Variants in TUSC3 observed in about 807,000 individuals in gnomAD.
TUSC3 encodes tumor suppressor candidate 3, also known as dolichyl-diphosphooligosaccharide--protein glycosyltransferase subunit TUSC3.
TUSC3 carries 45 observed loss-of-function variants against 44.8 expected under a neutral mutation model. The observed-to-expected ratio is 1.00, with a 90% CI of 0.79 to 1.29. The LOEUF (loss-of-function observed/expected upper bound fraction) is 1.29. TUSC3 is among the 50% of genes most tolerant of loss of function. The pLI is 0.00. For synonymous variants in TUSC3, 212 were observed against 152.9 expected (o/e 1.39, Z -2.85); for missense variants, 519 against 437.9 (o/e 1.19, Z -1.65).
intron 1 of TUSC3, among the ~76,000 whole-genome samples, 179 bp downstream of exon 1, chr8:15,540,747 A>C (rs528643549): frequency 3.3e-5 from 5 of 152,170 alleles, no homozygotes; most frequent in African/African-American, 1.2e-4. Context: ...TGGAGTTAGC[A>C]GGGTTCTGAC....
chr8:15,621,860 C>G (rs370915125), intron 1 of TUSC3, among the ~76,000 whole-genome samples: 1 of 151,494 alleles, frequency 6.6e-6, no homozygotes, highest in Non-Finnish European at 1.5e-5. Flanking sequence ...TGAATGTTCT[C>G]TCTCTGCAGG....
intron 1 of TUSC3, among the ~76,000 whole-genome samples, chr8:15,425,719 A>G (rs62500491): frequency 6.2e-4 from 94 of 152,218 alleles, no homozygotes; most frequent in Non-Finnish European, 1.2e-3. Context: ...CAAATCTCTC[A>G]TGGCTTTGAT....
At chr8:15,507,330 T>G (rs1030173050) in intron 2 of TUSC3, among the ~76,000 whole-genome samples, 7 of 152,236 alleles carry the variant, frequency 4.6e-5, no homozygotes, top group Admixed American at 1.3e-4. Context: ...TTACTTATTA[T>G]TATTTTTTCA....
intron 2 of TUSC3, among the ~76,000 whole-genome samples, chr8:15,532,217 G>A (rs1338437664): frequency 6.6e-6 from 1 of 151,566 alleles, no homozygotes; most frequent in Non-Finnish European, 1.5e-5. Context: ...TTCTTTTTCT[G>A]GGACTTGGGA....
chr8:15,596,049 T>C (rs2129152570), intron 1 of TUSC3, among the ~76,000 whole-genome samples: 1 of 152,334 alleles, frequency 6.6e-6, no homozygotes, highest in African/African-American at 2.4e-5. Flanking sequence ...ACATGTAGTT[T>C]GAAAGTTTTC....
chr8:15,785,606 A>G, the TUSC3 span, among the ~76,000 whole-genome samples: 1 of 152,138 alleles, frequency 6.6e-6, no homozygotes, highest in South Asian at 2.1e-4. Context: ...AAAACTGCGC[A>G]ATCTGAGCAC....
At chr8:15,616,444 G>A (rs1293127078) in intron 1 of TUSC3, among the ~76,000 whole-genome samples, 1 of 152,142 alleles carries the variant, frequency 6.6e-6, no homozygotes, top group Non-Finnish European at 1.5e-5. Flanking sequence ...CCGTCGTGGT[G>A]GCTCACGCCT....
intron 1 of TUSC3, among the ~76,000 whole-genome samples, chr8:15,570,265 T>TACACACACACACACACACACACACAC (rs3070896): frequency 1.4e-5 from 2 of 148,060 alleles, no homozygotes; most frequent in Admixed American, 1.4e-4. Context: ...TAATGTATTT[T>TACACACACACACACACACACACACAC]ACACACACAC....
intron 1 of TUSC3, among the ~76,000 whole-genome samples, chr8:15,560,444 CT>C (rs1341356287): frequency 6.7e-6 from 1 of 149,304 alleles, no homozygotes; most frequent in Non-Finnish European, 1.5e-5. Context: ...ACATTTTTTC[CT>C]TCATTTCAAC....
At chr8:15,586,191 A>G (rs1489322092) in intron 1 of TUSC3, among the ~76,000 whole-genome samples, 1 of 152,216 alleles carries the variant, frequency 6.6e-6, no homozygotes, top group East Asian at 1.9e-4. Context: ...TTGGCCAGAA[A>G]CAATTTAAGT....
intron 10 of TUSC3, among the ~76,000 whole-genome samples, chr8:15,760,253 G>A (rs1002924882): frequency 6.6e-6 from 1 of 152,016 alleles, no homozygotes; most frequent in Non-Finnish European, 1.5e-5. Context: ...CAACACCCAG[G>A]TCATCAAATG....
intron 1 of TUSC3, among the ~76,000 whole-genome samples, chr8:15,418,213 C>T (rs1799684677): frequency 6.6e-6 from 1 of 152,186 alleles, no homozygotes; most frequent in Non-Finnish European, 1.5e-5. Context: ...GGTTGGTCAG[C>T]TCCTATAGTA....
At position 15,417,965 on chromosome 8, in the gene TUSC3, T is replaced by A. The variant is rs935839747; in HGVS notation, n.91+660T>A. 2.0e-4 allele frequency among the ~76,000 whole-genome samples: 31 copies of A among 152,166 alleles called. 1 individual carries two copies. On this transcript the variant is annotated intron_variant and non_coding_transcript_variant, in intron 1 of 5. Coordinates refer to the TUSC3 transcript ENST00000503191. ...CTTTGCAACATTACAGAAACAATTA[T>A]TAAAACTCTACATGCCTGGGAAACT... is the stretch of plus-strand genomic sequence containing the variant.
intron 6 of TUSC3, among the ~76,000 whole-genome samples, chr8:15,686,955 C>T (rs1808658044): frequency 6.6e-6 from 1 of 152,086 alleles, no homozygotes; most frequent in Non-Finnish European, 1.5e-5. Flanking sequence ...GTAGTCCGGT[C>T]CCAGCTACTC....
intron 6 of TUSC3, among the ~76,000 whole-genome samples, chr8:15,697,923 A>G (rs926919480): frequency 6.6e-6 from 1 of 152,226 alleles, no homozygotes; most frequent in African/African-American, 2.4e-5. Flanking sequence ...AAATTACCTT[A>G]TACAGATTAT....
intron 2 of TUSC3, among the ~76,000 whole-genome samples, chr8:15,645,131 A>G (rs974109906): frequency 1.3e-5 from 2 of 152,150 alleles, no homozygotes; most frequent in South Asian, 2.1e-4. Flanking sequence ...TTCTCCTCCA[A>G]TATATCATGC....
At position 15,659,623 on chromosome 8, in the gene TUSC3, G is replaced by C. The variant is rs1324575938; in HGVS notation, c.543G>C (p.Trp181Cys). 1 of 1,613,100 alleles carries C rather than the reference G, an allele frequency of 6.2e-7. No individual in the cohort carries two copies. Among genetic ancestry groups the C allele is most frequent in the African/African-American group, 1.3e-5 (1 of 74,906 alleles). ...TTGCAGCTGAGCAACTAGCAAAGTG[G>C]ATTGCTGACAGAACGGATGTTCATG... ...IGFAAEQLAK[W>C]IADRTDVHIR... The change falls in exon 4 of 11, where the codon TGG (tryptophan) becomes TGC (cysteine). Residue 181 changes from tryptophan (W) to cysteine (C), a missense_variant. Coordinates refer to ENST00000503731, the MANE Select transcript of TUSC3 (RefSeq NM_006765.4).
At chr8:15,486,790 G>T (rs1800738068) in intron 2 of TUSC3, among the ~76,000 whole-genome samples, 1 of 152,094 alleles carries the variant, frequency 6.6e-6, no homozygotes. Context: ...CCTTTTACTG[G>T]TGTTCAGGAA....
chr8:15,808,154 G>A, the TUSC3 span, among the ~76,000 whole-genome samples: 1 of 152,092 alleles, frequency 6.6e-6, no homozygotes, highest in Admixed American at 6.6e-5. Context: ...TTTCTGACCA[G>A]TATTAGAAAA....
Sources: gnomAD v4.1 joint callset for allele counts (sites outside exome capture counted in the v4.1 genomes callset) on GRCh38, gnomAD v4.1.1 for gene constraint, MANE v1.5 for transcripts, NCBI Gene and HGNC (gene_info 2026-07-23, HGNC 2026-07-21) for gene names.